The following PPP1CB variants were observed in gnomAD, a reference collection of about 807,000 sequenced individuals.
PPP1CB encodes serine/threonine-protein phosphatase PP1-beta catalytic subunit.
In PPP1CB, 2 loss-of-function variants were observed where a neutral mutation model predicts 43.7. The observed-to-expected ratio is 0.05, with a 90% CI of 0.02 to 0.14. The LOEUF (loss-of-function observed/expected upper bound fraction) is 0.14, where lower values mean the gene tolerates loss of function less well. Among genes scored for constraint, PPP1CB ranks in the 10% least tolerant of loss-of-function variants. The probability of loss-of-function intolerance (pLI) is 1.00; values close to 1 mark genes in which losing one functional copy is unlikely to be tolerated. For synonymous variants in PPP1CB, 136 were observed against 135.6 expected (o/e 1.00, Z -0.02); for missense variants, 84 against 398.0 (o/e 0.21, Z 6.71).
chr2:28,784,391 T>C (rs1372806937), intron 5 of PPP1CB, among the ~76,000 whole-genome samples: 1 of 152,226 alleles, frequency 6.6e-6, no homozygotes, highest in Non-Finnish European at 1.5e-5. Flanking sequence ...CTAGTAGTTT[T>C]TTGTTATTTT....
chr2:28,774,149 G>A (rs1489591463), intron 1 of PPP1CB, among the ~76,000 whole-genome samples: 1 of 152,114 alleles, frequency 6.6e-6, no homozygotes, highest in Non-Finnish European at 1.5e-5. Context: ...ATTATACAGA[G>A]GGAATAAAAT....
At chr2:28,757,446 G>T (rs1041380431) in intron 1 of PPP1CB, among the ~76,000 whole-genome samples, 2 of 152,078 alleles carry the variant, frequency 1.3e-5, no homozygotes, top group Admixed American at 1.3e-4. Context: ...ACTTTTTGAT[G>T]AGCTGCCAGG....
At chr2:28,786,628 C>T (rs1380409366) in intron 5 of PPP1CB, among the ~76,000 whole-genome samples, 9 of 151,666 alleles carry the variant, frequency 5.9e-5, no homozygotes, top group African/African-American at 1.5e-4. Flanking sequence ...ACTAAAAATT[C>T]GCTGGGTGTG....
At chr2:28,784,056 G>A in intron 5 of PPP1CB, 78 bp downstream of exon 5, 1 of 1,127,582 alleles carries the variant, frequency 8.9e-7, no homozygotes, top group South Asian at 1.3e-5. Flanking sequence ...GTGGAAGTAG[G>A]ATTGGCTTAT....
chr2:28,755,524 T>G (rs1666469724), intron 1 of PPP1CB, among the ~76,000 whole-genome samples: 1 of 152,250 alleles, frequency 6.6e-6, no homozygotes, highest in Non-Finnish European at 1.5e-5. Context: ...GTGACCCTGT[T>G]GGCCACATTC....
At position 28,802,269 on chromosome 2, in the gene PPP1CB, T is replaced by G. The variant is rs559177312; in HGVS notation, c.*2966T>G. 1.3e-5 allele frequency: 2 copies of G among 152,336 alleles called. No individual in the cohort carries two copies. The highest frequency in any genetic ancestry group is 4.1e-4 in the South Asian group (2 of 4,832). The allele number at this position is 152,336 out of a possible 1,614,324, so 9.4% of individuals were successfully genotyped here. On this transcript the variant is annotated 3_prime_UTR_variant, in exon 8 of 8. Transcript: ENST00000395366. ...TCTCAGTTTATAAATTCAGGTATAT[T>G]CTTTTTGTCTCCATGGCAACCATAA...
chr2:28,796,364 C>T (rs1031154662), intron 7 of PPP1CB, among the ~76,000 whole-genome samples: 2 of 152,156 alleles, frequency 1.3e-5, no homozygotes, highest in Admixed American at 1.3e-4. Context: ...AGCATTGAAT[C>T]TGTAAACTAC....
intron 1 of PPP1CB, among the ~76,000 whole-genome samples, chr2:28,768,959 T>C (rs974610286): frequency 9.9e-5 from 15 of 152,254 alleles, no homozygotes; most frequent in Middle Eastern, 6.8e-3. Context: ...GATGGAAATA[T>C]TGACTAATAA....
chr2:28,782,847 A>C (rs566316362), intron 4 of PPP1CB: 1 of 152,370 alleles, frequency 6.6e-6, no homozygotes, highest in East Asian at 1.9e-4. Flanking sequence ...AGATAGATGC[A>C]CTTGCCTAGG....
chr2:28,777,008 C>G, intron 2 of PPP1CB, 26 bp downstream of exon 2: 1 of 1,602,956 alleles, frequency 6.2e-7, no homozygotes, highest in African/African-American at 1.3e-5. Flanking sequence ...AAGTTGGAAA[C>G]AACTCTTTTG....
chr2:28,792,321 CAA>C (rs928691644), intron 6 of PPP1CB, among the ~76,000 whole-genome samples: 15 of 150,166 alleles, frequency 1.0e-4, no homozygotes, highest in African/African-American at 3.7e-4. Context: ...GCCTGGGCAA[CAA>C]GAGCAAAACT....
At chr2:28,752,296 A>C in intron 1 of PPP1CB, 120 bp downstream of exon 1, 1 of 973,898 alleles carries the variant, frequency 1.0e-6, no homozygotes, top group Non-Finnish European at 1.5e-6. Context: ...AGTCTCTGGG[A>C]GCGCGGCGCG....
intron 2 of PPP1CB, among the ~76,000 whole-genome samples, chr2:28,777,456 A>G (rs945152227): frequency 1.3e-5 from 2 of 152,202 alleles, no homozygotes; most frequent in African/African-American, 4.8e-5. Context: ...TTAGAAAAAA[A>G]TAGGTGTATA....
intron 1 of PPP1CB, among the ~76,000 whole-genome samples, chr2:28,767,967 C>G (rs1666818120): frequency 6.6e-6 from 1 of 152,076 alleles, no homozygotes; most frequent in Admixed American, 6.5e-5. Flanking sequence ...GGTGCTCCCA[C>G]CAAAGTTGTG....
At chr2:28,776,795 A>G in intron 1 of PPP1CB, 56 bp from the exon 2 acceptor site, 1 of 1,530,692 alleles carries the variant, frequency 6.5e-7, no homozygotes, top group Non-Finnish European at 8.9e-7. Flanking sequence ...ACTCTTTTTG[A>G]AAGATTATTA....
rs1667562795 is a variant in PPP1CB at position 28,799,472 on chromosome 2, C to G, written c.*169C>G. ...AATTTTTTTCTAATAGAAAGATGTG[C>G]TACACTGTATTGTAATAAGTATACT... is the stretch of plus-strand genomic sequence containing the variant. On this transcript the variant is annotated 3_prime_UTR_variant, in exon 8 of 8. Transcript: ENST00000395366. 1 of 544,122 alleles carries G rather than the reference C, an allele frequency of 1.8e-6. No homozygotes were observed. Among genetic ancestry groups the G allele is most frequent in the African/African-American group, 1.9e-5 (1 of 51,874 alleles). 33.7% of individuals were successfully genotyped at this position (544,122 alleles called of 1,614,324 possible). A position where few individuals can be genotyped will look rare whatever the true frequency, so the allele number is the denominator to read the frequency against.
chr2:28,781,611 A>C lies in PPP1CB; in HGVS notation c.416-127A>C. 4 of 678,806 alleles carry C rather than the reference A, an allele frequency of 5.9e-6. No individual in the cohort carries two copies. In the South Asian group the frequency reaches 7.8e-5, roughly 13 times the overall value. 42.0% of individuals were successfully genotyped at this position (678,806 alleles called of 1,614,324 possible). ...AATAACATCTTTGCATTGTAGAAAA[A>C]GTTCTTCTTTATAGATAAACATGAA... On this transcript the variant is annotated intron_variant, in intron 3 of 7. Transcript: ENST00000395366.
chr2:28,789,520 T>A (rs1379446877), intron 6 of PPP1CB, among the ~76,000 whole-genome samples: 1 of 151,752 alleles, frequency 6.6e-6, no homozygotes, highest in South Asian at 2.1e-4. Flanking sequence ...AAAAAAAGAA[T>A]GTATTTTTGT....
At chr2:28,764,607 A>G (rs1666740712) in intron 1 of PPP1CB, among the ~76,000 whole-genome samples, 1 of 152,074 alleles carries the variant, frequency 6.6e-6, no homozygotes, top group Admixed American at 6.6e-5. Context: ...AACTGCCATT[A>G]ATTAGTATGT....
Sources: gnomAD v4.1 joint callset for allele counts (sites outside exome capture counted in the v4.1 genomes callset) on GRCh38, gnomAD v4.1.1 for gene constraint, MANE v1.5 for transcripts, NCBI Gene and HGNC (gene_info 2026-07-23, HGNC 2026-07-21) for gene names.